DOT1L: variants seen among roughly 807,000 people sequenced by gnomAD.
The protein encoded by DOT1L is DOT1 like histone lysine methyltransferase, also known as histone-lysine N-methyltransferase, H3 lysine-79 specific.
DOT1L carries 33 observed loss-of-function variants against 153.3 expected under a neutral mutation model. The ratio of observed to expected loss-of-function variants is 0.22; its 90% confidence interval spans 0.16 to 0.29. The LOEUF (loss-of-function observed/expected upper bound fraction) is 0.29, where lower values mean the gene tolerates loss of function less well. DOT1L is among the 10% of genes least tolerant of loss of function. The probability of loss-of-function intolerance (pLI) is 1.00; values close to 1 mark genes in which losing one functional copy is unlikely to be tolerated. For missense variants in DOT1L, 1,847 were observed against 2,119.9 expected, an observed-to-expected ratio of 0.87 and a Z score of 2.53; for synonymous variants, 1,135 against 965.1, an observed-to-expected ratio of 1.18 and a Z score of -3.26.
intron 1 of DOT1L, among the ~76,000 whole-genome samples, chr19:2,169,248 G>T (rs1464283915): frequency 6.6e-6 from 1 of 152,176 alleles, no homozygotes; most frequent in Non-Finnish European, 1.5e-5. Flanking sequence ...TTCTGCTGCT[G>T]ACCTCTGAGC....
intron 25 of DOT1L, 68 bp downstream of exon 25, chr19:2,223,554 GT>G: frequency 6.3e-6 from 2 of 318,754 alleles, no homozygotes; most frequent in Non-Finnish European, 5.7e-6. Flanking sequence ...CTCACTGTGT[GT>G]GTGTGGGTGG....
Position 2,232,256 on chromosome 19 carries a change from G to C in DOT1L, c.*2464G>C, listed in dbSNP as rs573497778. The C allele has an allele frequency of 4.6e-6, 1 of 217,610 alleles. No individual in the cohort carries two copies. The highest frequency in any genetic ancestry group is 9.2e-6 in the Non-Finnish European group (1 of 108,404). 13.5% of individuals were successfully genotyped at this position (217,610 alleles called of 1,614,324 possible). A position where few individuals can be genotyped will look rare whatever the true frequency, so the allele number is the denominator to read the frequency against. On this transcript the variant is annotated 3_prime_UTR_variant, in exon 28 of 28. Coordinates refer to ENST00000398665, the MANE Select transcript of DOT1L (RefSeq NM_032482.3). Reference sequence around the variant, plus strand: ...ACCCCCTCCTCGGCCCATGAGGCACGCACAGTGACTTATTTAAGACTTCCC... The same window carrying C: ...ACCCCCTCCTCGGCCCATGAGGCACCCACAGTGACTTATTTAAGACTTCCC...
Position 2,207,754 on chromosome 19 carries a change from CT to C in DOT1L, c.963+77del. 2.2e-6 allele frequency: 3 copies of C among 1,367,518 alleles called. No homozygotes were observed. Among genetic ancestry groups the C allele is most frequent in the Non-Finnish European group, 3.0e-6 (3 of 1,003,808 alleles). 84.7% of individuals were successfully genotyped at this position (1,367,518 alleles called of 1,614,324 possible). A position where few individuals can be genotyped will look rare whatever the true frequency, so the allele number is the denominator to read the frequency against. On this transcript the variant is annotated intron_variant, in intron 11 of 27. Transcript: ENST00000398665. This position sits in a 1 kb window ranked among gnomAD's most constrained non-coding sequence, Gnocchi z 4.5. ...CCCGCCCACGTCACACTGCTCTCTCCTTTCTCATGTGGCCTCTGAGACCCTC... is the reference window on the plus strand; with the variant it reads ...CCCGCCCACGTCACACTGCTCTCTCCTTCTCATGTGGCCTCTGAGACCCTC...
intron 7 of DOT1L, 136 bp downstream of exon 7, chr19:2,194,713 T>C (rs1599566661): frequency 5.7e-6 from 4 of 704,952 alleles, no homozygotes; most frequent in Non-Finnish European, 8.7e-6. Context: ...TCCCCTCTGG[T>C]TCTCGTAGGG....
At chr19:2,194,662 T>C (rs1041531355) in intron 7 of DOT1L, 85 bp downstream of exon 7, 31 of 1,365,040 alleles carry the variant, frequency 2.3e-5, no homozygotes, top group Non-Finnish European at 3.0e-5. Context: ...TTCTTGCCGA[T>C]GTTGGCACAT....
rs1167589203 is a variant in DOT1L at position 2,231,986 on chromosome 19, ACACCC to A, written c.*2195_*2199del. 1.9e-5 allele frequency: 4 copies of A among 209,884 alleles called. No individual in the cohort carries two copies. Among genetic ancestry groups the A allele is most frequent in the Non-Finnish European group, 3.9e-5 (4 of 103,378 alleles). 13.0% of individuals were successfully genotyped at this position (209,884 alleles called of 1,614,324 possible). On this transcript the variant is annotated 3_prime_UTR_variant, in exon 28 of 28. Transcript: ENST00000398665. ...GAACTAGTGTGGTGGCTGCCTGCGG[ACACCC>A]TCCTGTTCTGAGCCCTGGGCCTGTG...
At chr19:2,165,610 T>G (rs2019883405) in intron 1 of DOT1L, among the ~76,000 whole-genome samples, 1 of 152,216 alleles carries the variant, frequency 6.6e-6, no homozygotes, top group Non-Finnish European at 1.5e-5. Flanking sequence ...CCTCGAAAGT[T>G]CAAACTCCAG....
At chr19:2,227,526 A>T (rs2024403213) in intron 27 of DOT1L, 2 of 530,658 alleles carry the variant, frequency 3.8e-6, no homozygotes. Flanking sequence ...CGCCGGGGGG[A>T]GCGGCCTGGC....
rs2144866854 is a variant in DOT1L at position 2,216,461 on chromosome 19, C to T, written c.2104C>T (p.Pro702Ser). ...LELDCTKFSL[P>S]HLSSMSPELS... ...GCTGGACTGCACCAAGTTCTCGCTG[C>T]CTCACTTGAGCAGCATGAGCCCGGA... The change falls in exon 20 of 28, where the codon CCT (proline) becomes TCT (serine). Residue 702 changes from proline to serine, a missense_variant. Physicochemically the swap from Pro to Ser is moderately conservative, Grantham distance 74. Transcript: ENST00000398665. 9.3e-6 allele frequency: 15 copies of T among 1,612,692 alleles called. No homozygotes were observed. The highest frequency in any genetic ancestry group is 1.3e-5 in the Non-Finnish European group (15 of 1,179,948).
Position 2,217,586 on chromosome 19 carries a change from C to T in DOT1L, c.2545-186C>T, listed in dbSNP as rs1599605538. Among the ~76,000 whole-genome samples the T allele has an allele frequency of 6.6e-6, 1 of 152,094 alleles. No individual in the cohort carries two copies. The highest frequency in any genetic ancestry group is 1.5e-5 in the Non-Finnish European group (1 of 68,010). On this transcript the variant is annotated intron_variant, in intron 21 of 27. Transcript: ENST00000398665. The surrounding 1 kb of genome is among the most constrained non-coding windows in gnomAD (Gnocchi z 7.3). ...TTGCTTTCAGACACCAGGAGCGTGCCGTCCCTCTGGAGTGTCCCAAAGCCG... is the reference window on the plus strand; with the variant it reads ...TTGCTTTCAGACACCAGGAGCGTGCTGTCCCTCTGGAGTGTCCCAAAGCCG...
intron 19 of DOT1L, among the ~76,000 whole-genome samples, chr19:2,215,043 C>CT (rs1395762093): frequency 2.0e-5 from 3 of 152,104 alleles, no homozygotes; most frequent in Non-Finnish European, 2.9e-5. Context: ...CAGTGGGACT[C>CT]TGTCTCTAGC....
Position 2,204,636 on chromosome 19 carries a change from C to T in DOT1L, c.787+1857C>T, listed in dbSNP as rs529927189. ...TGGCTGAGTCAGGGTACTGCAGTGG[C>T]GTCTTCTGTCCGGCCCCTCCCTGTT... is the stretch of plus-strand genomic sequence containing the variant. On this transcript the variant is annotated intron_variant, in intron 9 of 27. Transcript: ENST00000398665. The surrounding 1 kb of genome is among the most constrained non-coding windows in gnomAD (Gnocchi z 5.7). Among the ~76,000 whole-genome samples the T allele has an allele frequency of 3.3e-5, 5 of 152,314 alleles. No individual in the cohort carries two copies. Among genetic ancestry groups the T allele is most frequent in the East Asian group, 3.9e-4 (2 of 5,188 alleles).
Position 2,211,172 on chromosome 19 carries a change from G to T in DOT1L, c.1425G>T (p.Leu475=). The part of the protein sequence containing the change: ...PSVQRHSPNP[L]LVAPTPPALQ... ...TGCAGCGGCACTCCCCCAACCCGCT[G>T]CTGGTGGCGCCCACCCCGCCCGCGC... The change falls in exon 15 of 28, where the codon CTG becomes CTT. Residue 475 remains leucine (L), a synonymous_variant. Transcript: ENST00000398665. The T allele has an allele frequency of 2.5e-6, 4 of 1,612,266 alleles. No homozygotes were observed. Among genetic ancestry groups the T allele is most frequent in the Non-Finnish European group, 3.4e-6 (4 of 1,179,540 alleles).
At chr19:2,227,299 G>A in intron 27 of DOT1L, 172 bp downstream of exon 27, 1 of 869,212 alleles carries the variant, frequency 1.2e-6, no homozygotes, top group Non-Finnish European at 1.9e-6. Context: ...TGTGGGGAGA[G>A]GGCTCACGCT....
chr19:2,185,484 G>T (rs2022453262), intron 2 of DOT1L, among the ~76,000 whole-genome samples: 1 of 152,170 alleles, frequency 6.6e-6, no homozygotes, highest in African/African-American at 2.4e-5. Context: ...AGAACATGCG[G>T]GGTAATACTC....
chr19:2,201,346 G>A (rs1473392508), intron 8 of DOT1L, among the ~76,000 whole-genome samples: 1 of 149,336 alleles, frequency 6.7e-6, no homozygotes, highest in African/African-American at 2.5e-5. Flanking sequence ...TGCGCCCGTC[G>A]TCCTCCCCGC....
chr19:2,209,023 G>A, intron 12 of DOT1L, 47 bp downstream of exon 12: 1 of 1,595,106 alleles, frequency 6.3e-7, no homozygotes, highest in Non-Finnish European at 8.6e-7. Context: ...CGCATGCACT[G>A]ATGTGGGGAA....
rs528234765 is a variant in DOT1L, at chr19:2,230,853, G to A, written c.*1061G>A. On this transcript the variant is annotated 3_prime_UTR_variant, in exon 28 of 28. Coordinates refer to ENST00000398665, the MANE Select transcript of DOT1L (RefSeq NM_032482.3). ...CAGCAGCCCAGACAGAGCTGCCGGCGCCCCTGCCTGCCCCACATCCCTTCC... is the reference window on the plus strand; with the variant it reads ...CAGCAGCCCAGACAGAGCTGCCGGCACCCCTGCCTGCCCCACATCCCTTCC... The A allele has an allele frequency of 2.3e-5, 8 of 348,572 alleles. No individual in the cohort carries two copies. Among genetic ancestry groups the A allele is most frequent in the South Asian group, 1.5e-4 (1 of 6,580 alleles). 21.6% of individuals were successfully genotyped at this position (348,572 alleles called of 1,614,324 possible).
intron 19 of DOT1L, chr19:2,216,076 A>C: frequency 1.6e-6 from 1 of 612,428 alleles, no homozygotes; most frequent in East Asian, 3.0e-5. Context: ...ATGTCAGCAA[A>C]AACCATCCTC....
Sources: allele counts gnomAD v4.1 joint callset (sites outside exome capture counted in the v4.1 genomes callset), GRCh38; gene constraint gnomAD v4.1.1; non-coding constraint Gnocchi (gnomAD v3.1); transcripts MANE v1.5; gene names NCBI Gene and HGNC (gene_info 2026-07-23, HGNC 2026-07-21).